Variants in MYT1L observed in about 807,000 individuals in gnomAD.
MYT1L encodes the protein myelin transcription factor 1-like protein.
In MYT1L, 12 loss-of-function variants were observed where a neutral mutation model predicts 126.7. The observed-to-expected ratio is 0.09, with a 90% CI of 0.06 to 0.15. The LOEUF is 0.15. Among genes scored for constraint, MYT1L ranks in the 10% least tolerant of loss-of-function variants. The probability of loss-of-function intolerance (pLI) is 1.00; values close to 1 mark genes in which losing one functional copy is unlikely to be tolerated. For synonymous variants in MYT1L, 541 were observed against 604.2 expected (o/e 0.90, Z 1.53); for missense variants, 979 against 1,585.2 (o/e 0.62, Z 6.49).
At chr2:1,984,610 C>T (rs2060866046) in intron 5 of MYT1L, among the ~76,000 whole-genome samples, 1 of 148,956 alleles carries the variant, frequency 6.7e-6, no homozygotes, top group Non-Finnish European at 1.5e-5. Context: ...CCTGGGTTCA[C>T]ACCATTCTCC....
At chr2:1,885,889 C>T (rs187637239) in intron 18 of MYT1L, among the ~76,000 whole-genome samples, 1 of 152,232 alleles carries the variant, frequency 6.6e-6, no homozygotes, top group East Asian at 1.9e-4. Context: ...CTAGAGATGT[C>T]TATGTGAAGG....
At chr2:2,137,229 G>A (rs1171264849) in intron 3 of MYT1L, among the ~76,000 whole-genome samples, 9 of 152,208 alleles carry the variant, frequency 5.9e-5, no homozygotes, top group Non-Finnish European at 1.0e-4. Context: ...GCTCATGGGT[G>A]GGAAGAATCA....
rs764107874 is a variant in MYT1L at position 1,848,345 on chromosome 2, C to G, written c.2774+3296G>C. ...AAGAATTCCAGACACCACGGAAGCG[C>G]GAGGCGTTTGTCCTGGGAGCAGGAG... On this transcript the variant is annotated intron_variant, in intron 19 of 24. Coordinates refer to ENST00000647738, the MANE Select transcript of MYT1L (RefSeq NM_001303052.2). The surrounding 1 kb of genome is among the most constrained non-coding windows in gnomAD (Gnocchi z 4.8). Among the ~76,000 whole-genome samples, 1 of 149,062 alleles carries G rather than the reference C, an allele frequency of 6.7e-6. No homozygotes were observed. The highest frequency in any genetic ancestry group is 6.6e-5 in the Admixed American group (1 of 15,054).
chr2:1,922,576 C>T lies in MYT1L; in HGVS notation c.1193G>A (p.Ser398Asn). Residue 398 changes from serine (S) to asparagine (N), a missense_variant, in exon 10 of 25, where the codon AGC becomes AAC. Transcript: ENST00000647738. The surrounding 1 kb of genome is among the most constrained non-coding windows in gnomAD (Gnocchi z 7.4). ...QLSPRSRVFA[S>N]CAKEDGCHER... ...ATGACACCCATCCTCCTTCGCACAG[C>T]TGGCAAACACTCTCGACCGGGGGCT... The T allele has an allele frequency of 6.2e-7, 1 of 1,614,052 alleles. No homozygotes were observed. Among genetic ancestry groups the T allele is most frequent in the Non-Finnish European group, 8.5e-7 (1 of 1,179,902 alleles).
In MYT1L at chr2:1,887,430, T is replaced by C; in HGVS notation, c.2642+58A>G. The C allele has an allele frequency of 9.9e-6, 16 of 1,611,000 alleles. No homozygotes were observed. The highest frequency in any genetic ancestry group is 1.3e-5 in the African/African-American group (1 of 74,916). ...CATATACAGATCCAGTTTTAAAAAA[T>C]CAGCCAAAGAATGGGAAGATTAAGA... On this transcript the variant is annotated intron_variant, in intron 17 of 24. Coordinates refer to ENST00000647738, the MANE Select transcript of MYT1L (RefSeq NM_001303052.2). This position sits in a 1 kb window ranked among gnomAD's most constrained non-coding sequence, Gnocchi z 4.8.
intron 21 of MYT1L, among the ~76,000 whole-genome samples, chr2:1,837,457 CT>C (rs1558705135): frequency 1.3e-5 from 2 of 152,246 alleles, no homozygotes; most frequent in South Asian, 2.1e-4. Context: ...AAAGTAGACA[CT>C]TTTTTGGAGG....
intron 5 of MYT1L, among the ~76,000 whole-genome samples, chr2:1,984,631 TC>T (rs770525540): frequency 6.8e-6 from 1 of 147,332 alleles, no homozygotes; most frequent in Non-Finnish European, 1.5e-5. Context: ...TGCCTCAGCC[TC>T]CCGAGTAGCT....
intron 1 of MYT1L, among the ~76,000 whole-genome samples, chr2:2,296,864 C>A (rs2095702886): frequency 1.3e-5 from 2 of 152,206 alleles, no homozygotes; most frequent in East Asian, 3.8e-4. Context: ...GTGTGCAGGG[C>A]TGGCCAGCAC....
chr2:1,931,009 A>C (rs1307209280), intron 9 of MYT1L, among the ~76,000 whole-genome samples: 1 of 152,186 alleles, frequency 6.6e-6, no homozygotes, highest in Non-Finnish European at 1.5e-5. Context: ...GCATTTTGCC[A>C]CTGTTTTTTC....
chr2:2,126,408 C>T (rs906815275), intron 3 of MYT1L, among the ~76,000 whole-genome samples: 16 of 152,144 alleles, frequency 1.1e-4, no homozygotes, highest in East Asian at 5.8e-4. Context: ...ATTGGAAATC[C>T]GCCATGTGTT....
At position 1,891,635 on chromosome 2, in the gene MYT1L, C is replaced by T. The variant is rs1162092130; in HGVS notation, c.2283+402G>A. Among the ~76,000 whole-genome samples, 2 of 152,286 alleles carry T rather than the reference C, an allele frequency of 1.3e-5. 1 individual carries two copies. The highest frequency in any genetic ancestry group is 4.8e-5 in the African/African-American group (2 of 41,560). On this transcript the variant is annotated intron_variant, in intron 15 of 24. Transcript: ENST00000647738. ...TCCATAGGCAGATCCCTGCATTTCA[C>T]GTGACAATGGTGCTAGCAGAACTTC...
chr2:2,075,455 A>G (rs531023509), intron 3 of MYT1L, among the ~76,000 whole-genome samples: 2 of 152,292 alleles, frequency 1.3e-5, no homozygotes, highest in South Asian at 2.1e-4. Flanking sequence ...AGAAGTAAGA[A>G]AAGACCCTAA....
At chr2:1,831,216 C>T (rs1427829515) in intron 21 of MYT1L, among the ~76,000 whole-genome samples, 1 of 149,640 alleles carries the variant, frequency 6.7e-6, no homozygotes, top group Admixed American at 6.6e-5. Flanking sequence ...ACCCCTGGCT[C>T]CCCCCAGATG....
At chr2:2,229,433 T>G (rs1332528925) in intron 2 of MYT1L, among the ~76,000 whole-genome samples, 2 of 151,534 alleles carry the variant, frequency 1.3e-5, no homozygotes, top group African/African-American at 4.9e-5. Flanking sequence ...TCTCATAGGA[T>G]TTCTTTCTTT....
At chr2:1,939,673 C>G (rs1409172277) in intron 9 of MYT1L, among the ~76,000 whole-genome samples, 1 of 152,196 alleles carries the variant, frequency 6.6e-6, no homozygotes, top group Non-Finnish European at 1.5e-5. Context: ...TTAAACGTAA[C>G]TAGGAGTTTG....
At chr2:1,850,648 G>A (rs2043149582) in intron 19 of MYT1L, among the ~76,000 whole-genome samples, 1 of 152,138 alleles carries the variant, frequency 6.6e-6, no homozygotes, top group African/African-American at 2.4e-5. Context: ...TGTGCTTGTA[G>A]GATCCAGTTT....
chr2:2,329,560 T>C (rs965139603), intron 1 of MYT1L, among the ~76,000 whole-genome samples: 5 of 152,212 alleles, frequency 3.3e-5, no homozygotes, highest in Non-Finnish European at 5.9e-5. Context: ...GCACAATTAA[T>C]ATTTAAAATA....
chr2:1,908,697 A>G (rs922149395), intron 13 of MYT1L, among the ~76,000 whole-genome samples: 1 of 152,196 alleles, frequency 6.6e-6, no homozygotes, highest in Non-Finnish European at 1.5e-5. Flanking sequence ...TCATGTTGCC[A>G]ATAATTAGCT....
chr2:2,164,804 T>C (rs1002332003), intron 3 of MYT1L, among the ~76,000 whole-genome samples: 9 of 152,234 alleles, frequency 5.9e-5, no homozygotes, highest in Admixed American at 5.2e-4. Flanking sequence ...AGCTTGCCTT[T>C]AGCCCTTGCC....
Sources: gnomAD v4.1 joint callset for allele counts (sites outside exome capture counted in the v4.1 genomes callset) on GRCh38, gnomAD v4.1.1 for gene constraint, Gnocchi (gnomAD v3.1) non-coding constraint, MANE v1.5 for transcripts, NCBI Gene and HGNC (gene_info 2026-07-23, HGNC 2026-07-21) for gene names.